The following SUCLG2 variants were observed in gnomAD, a reference collection of about 807,000 sequenced individuals.
The protein encoded by SUCLG2 is succinate-CoA ligase GDP-forming subunit beta, also known as succinate--CoA ligase [GDP-forming] subunit beta, mitochondrial.
SUCLG2 carries 42 observed loss-of-function variants against 47.9 expected under a neutral mutation model. That is an observed-to-expected ratio of 0.88 (90% CI 0.69 to 1.14). SUCLG2 has a LOEUF of 1.14. Among genes scored for constraint, SUCLG2 ranks in the 50% most tolerant of loss-of-function variants. SUCLG2 has a pLI of 0.00. For missense variants in SUCLG2, 571 were observed against 525.9 expected (o/e 1.09, Z -0.84); for synonymous variants, 195 against 197.3 (o/e 0.99, Z 0.10).
intron 6 of SUCLG2, among the ~76,000 whole-genome samples, 176 bp downstream of exon 6, chr3:67,518,070 TC>T (rs955825058): frequency 7.9e-5 from 12 of 152,110 alleles, no homozygotes; most frequent in African/African-American, 1.2e-4. Context: ...ATCATAAACA[TC>T]CTCTTTTAAA....
chr3:67,603,630 T>A (rs1253396298), intron 2 of SUCLG2, among the ~76,000 whole-genome samples: 1 of 152,232 alleles, frequency 6.6e-6, no homozygotes, highest in Non-Finnish European at 1.5e-5. Context: ...ACTGAGCTTT[T>A]GAAACGCAAT....
chr3:67,633,171 C>T (rs749375339), intron 1 of SUCLG2, among the ~76,000 whole-genome samples: 4 of 151,992 alleles, frequency 2.6e-5, no homozygotes, highest in Admixed American at 6.6e-5. Context: ...AAATTAATAA[C>T]GAAAAGTAAA....
At chr3:67,591,674 A>T (rs1032881446) in intron 2 of SUCLG2, among the ~76,000 whole-genome samples, 78 of 152,266 alleles carry the variant, frequency 5.1e-4, no homozygotes, top group African/African-American at 1.8e-3. Flanking sequence ...GTGGAACTGT[A>T]AGTCCAATTA....
chr3:67,482,963 G>A (rs1167141568), intron 9 of SUCLG2, among the ~76,000 whole-genome samples: 1 of 152,122 alleles, frequency 6.6e-6, no homozygotes, highest in Non-Finnish European at 1.5e-5. Context: ...AGAATACTTA[G>A]AGATAACAAT....
At chr3:67,646,571 G>T (rs1461293879) in intron 1 of SUCLG2, among the ~76,000 whole-genome samples, 1 of 151,822 alleles carries the variant, frequency 6.6e-6, no homozygotes, top group Non-Finnish European at 1.5e-5. Flanking sequence ...CTCAAGCCTG[G>T]GCAAGAGAGT....
chr3:67,621,550 C>A (rs1056265136), intron 1 of SUCLG2, among the ~76,000 whole-genome samples: 1 of 152,144 alleles, frequency 6.6e-6, no homozygotes, highest in African/African-American at 2.4e-5. Flanking sequence ...GAGGTGGGAT[C>A]TATAACAGGT....
At chr3:67,364,833 G>A (rs535639016) in intron 10 of SUCLG2, among the ~76,000 whole-genome samples, 8 of 152,118 alleles carry the variant, frequency 5.3e-5, no homozygotes, top group Non-Finnish European at 8.8e-5. Flanking sequence ...ATGCCAACAC[G>A]GAGATGACAG....
intron 7 of SUCLG2, among the ~76,000 whole-genome samples, chr3:67,501,010 C>G (rs555874842): frequency 1.3e-5 from 2 of 152,250 alleles, no homozygotes; most frequent in Non-Finnish European, 2.9e-5. Flanking sequence ...TGTGGTATGA[C>G]GTTCTCTCCA....
chr3:67,408,685 T>C, intron 9 of SUCLG2: 3 of 1,163,588 alleles, frequency 2.6e-6, no homozygotes, highest in Non-Finnish European at 3.2e-6. Context: ...ACTTATATTC[T>C]ATAATTTACT....
intron 9 of SUCLG2, among the ~76,000 whole-genome samples, chr3:67,409,605 A>G (rs1289477814): frequency 6.6e-6 from 1 of 152,210 alleles, no homozygotes; most frequent in Non-Finnish European, 1.5e-5. Context: ...TACATGACAC[A>G]TATTTACACA....
chr3:67,465,319 C>T (rs2106967992), intron 9 of SUCLG2, among the ~76,000 whole-genome samples: 1 of 152,318 alleles, frequency 6.6e-6, no homozygotes, highest in Middle Eastern at 3.4e-3. Context: ...GCTTCACTCT[C>T]AGCGCCTCCT....
At chr3:67,455,992 CA>C (rs1704175737) in intron 9 of SUCLG2, among the ~76,000 whole-genome samples, 1 of 152,208 alleles carries the variant, frequency 6.6e-6, no homozygotes, top group Non-Finnish European at 1.5e-5. Flanking sequence ...AGACCTCAAT[CA>C]GGGGTGATTC....
At chr3:67,551,368 G>A (rs540079320) in intron 2 of SUCLG2, among the ~76,000 whole-genome samples, 1 of 152,146 alleles carries the variant, frequency 6.6e-6, no homozygotes, top group Non-Finnish European at 1.5e-5. Context: ...TTTGACCCAA[G>A]GCCTGTGTCT....
intron 9 of SUCLG2, among the ~76,000 whole-genome samples, chr3:67,446,837 C>G (rs1035476539): frequency 2.6e-5 from 4 of 152,040 alleles, no homozygotes. Context: ...ACTTTATTCA[C>G]TATAATCACT....
intron 9 of SUCLG2, among the ~76,000 whole-genome samples, chr3:67,426,350 A>G (rs1308304757): frequency 6.6e-6 from 1 of 152,220 alleles, no homozygotes; most frequent in Non-Finnish European, 1.5e-5. Flanking sequence ...TAGGTGAAAA[A>G]GAAAGCTCTG....
chr3:67,527,666 C>A (rs555675394), intron 4 of SUCLG2, among the ~76,000 whole-genome samples: 2 of 152,078 alleles, frequency 1.3e-5, no homozygotes, highest in Non-Finnish European at 2.9e-5. Context: ...ATGCAATATA[C>A]CCCCAGCAAT....
At chr3:67,409,068 G>T (rs9824745) in intron 9 of SUCLG2, 1,205,217 of 1,528,736 alleles carry the variant, frequency 0.79, 476,731 homozygotes, top group Admixed American at 0.89. Flanking sequence ...AAGATATCTT[G>T]TATAGGTTTG....
At chr3:67,373,984 A>G (rs1233874081), downstream of SUCLG2, among the ~76,000 whole-genome samples, 3 of 152,238 alleles carry the variant, frequency 2.0e-5, no homozygotes, top group Non-Finnish European at 2.9e-5. Context: ...AATCACAAAA[A>G]TGATTTAATT....
chr3:67,399,871 T>C (rs1344796271), intron 10 of SUCLG2, among the ~76,000 whole-genome samples: 2 of 152,262 alleles, frequency 1.3e-5, no homozygotes, highest in Non-Finnish European at 1.5e-5. Flanking sequence ...TTCAGAACTA[T>C]ATGAAAAGAG....
Sources: allele counts gnomAD v4.1 joint callset (sites outside exome capture counted in the v4.1 genomes callset), GRCh38; gene constraint gnomAD v4.1.1; transcripts MANE v1.5; gene names NCBI Gene and HGNC (gene_info 2026-07-23, HGNC 2026-07-21).